The following SEC14L3 variants were observed in gnomAD, a reference collection of about 807,000 sequenced individuals.
SEC14L3 encodes SEC14 like lipid binding 3.
SEC14L3 carries 56 observed loss-of-function variants against 57.4 expected under a neutral mutation model. That is an observed-to-expected ratio of 0.97 (90% CI 0.79 to 1.22). The LOEUF is 1.22. SEC14L3 is among the 50% of genes most tolerant of loss of function. SEC14L3 has a pLI of 0.00. For missense variants in SEC14L3, 485 were observed against 511.7 expected (o/e 0.95, Z 0.50); for synonymous variants, 173 against 194.4 (o/e 0.89, Z 0.92).
Position 30,459,730 on chromosome 22 carries a change from G to A in SEC14L3, c.*291C>T. ...ACACACCTGCCTTAGGGTAGGTGAG[G>A]ACAAAGGCTAGGGGATTCATTTTGC... On this transcript the variant is annotated 3_prime_UTR_variant, in exon 12 of 12. Transcript: ENST00000215812. 1 of 1,095,078 alleles carries A rather than the reference G, an allele frequency of 9.1e-7. No individual in the cohort carries two copies. The highest frequency in any genetic ancestry group is 3.6e-5 in the South Asian group (1 of 27,866). 67.8% of individuals were successfully genotyped at this position (1,095,078 alleles called of 1,614,324 possible).
At chr22:30,449,935 T>C (rs111384803) in intron 12 of SEC14L3, among the ~76,000 whole-genome samples, 6 of 152,068 alleles carry the variant, frequency 3.9e-5, no homozygotes, top group African/African-American at 1.2e-4. Context: ...ATCAGGAGAA[T>C]TGTCTCTCCT....
At position 30,461,316 on chromosome 22, in the gene SEC14L3, C is replaced by T. The variant is rs765287441; in HGVS notation, c.1075G>A (p.Gly359Ser). Residue 359 changes from glycine (G) to serine (S), a missense_variant, in exon 11 of 12, where the codon GGC (glycine) becomes AGC (serine). Gly to Ser is a moderately conservative substitution (Grantham distance 56). Coordinates refer to ENST00000215812, the MANE Select transcript of SEC14L3 (RefSeq NM_174975.5). ...EDGNLTCSEA[G>S]VYVLRFDNTY... ...CCAGCTGGGGCAGACTTACAGACGC[C>T]GGCCTCTGAGCAGGTGAGGTTCCCA... 22 of 1,588,092 alleles carry T rather than the reference C, an allele frequency of 1.4e-5. No homozygotes were observed. The highest frequency in any genetic ancestry group is 8.1e-5 in the South Asian group (7 of 86,480).
At position 30,471,970 on chromosome 22, in the gene SEC14L3, G is replaced by C. The variant is rs1318446831; in HGVS notation, c.-12C>G. The stretch of plus-strand genomic sequence containing the variant: ...ACTCGGCCGCTCATGGTGCTGGCTG[G>C]GGCTTGAGGAGTGGTGGCCACTATA... On this transcript the variant is annotated 5_prime_UTR_variant, in exon 1 of 12. Coordinates refer to ENST00000215812, the MANE Select transcript of SEC14L3 (RefSeq NM_174975.5). 1.3e-6 allele frequency: 2 copies of C among 1,598,838 alleles called. No individual in the cohort carries two copies. Among genetic ancestry groups the C allele is most frequent in the East Asian group, 2.3e-5 (1 of 43,592 alleles).
chr22:30,468,233 C>T (rs2146121026), intron 5 of SEC14L3, among the ~76,000 whole-genome samples: 1 of 151,270 alleles, frequency 6.6e-6, no homozygotes, highest in Middle Eastern at 3.4e-3. Flanking sequence ...GAGCCAAGAT[C>T]ACACCACTGC....
downstream of SEC14L3, among the ~76,000 whole-genome samples, chr22:30,458,217 A>G (rs1210333907): frequency 6.6e-6 from 1 of 152,214 alleles, no homozygotes; most frequent in Non-Finnish European, 1.5e-5. Context: ...CCCGAATCAC[A>G]GCAGAAAGTT....
chr22:30,457,470 C>T (rs1935139512), downstream of SEC14L3, among the ~76,000 whole-genome samples: 1 of 149,316 alleles, frequency 6.7e-6, no homozygotes, highest in Non-Finnish European at 1.5e-5. Context: ...GCAATCTCCA[C>T]CTCCTGGATT....
At chr22:30,468,719 A>T in intron 4 of SEC14L3, 23 bp from the exon 5 acceptor site, 5 of 1,613,970 alleles carry the variant, frequency 3.1e-6, no homozygotes, top group Non-Finnish European at 4.2e-6. Context: ...AGATGCACAG[A>T]ACTTGGCATT....
intron 12 of SEC14L3, among the ~76,000 whole-genome samples, chr22:30,452,673 G>A (rs751575569): frequency 2.6e-5 from 4 of 151,294 alleles, no homozygotes; most frequent in African/African-American, 9.7e-5. Flanking sequence ...TGGAGTTGAC[G>A]AGTTGACTTG....
chr22:30,462,068 G>A lies in SEC14L3; in HGVS notation c.771+18C>T, dbSNP rs1935284846. 2 of 1,612,758 alleles carry A rather than the reference G, an allele frequency of 1.2e-6. No individual in the cohort carries two copies. The highest frequency in any genetic ancestry group is 4.5e-5 in the East Asian group (2 of 44,862). Reference sequence around the variant, plus strand: ...TAATTCTTGAACCTCTCTTGTCCCAGGGAAGGGCTCTTTGTACCTTGGTTA... The same window carrying A: ...TAATTCTTGAACCTCTCTTGTCCCAAGGAAGGGCTCTTTGTACCTTGGTTA... On this transcript the variant is annotated intron_variant, in intron 9 of 11. Coordinates refer to ENST00000215812, the MANE Select transcript of SEC14L3 (RefSeq NM_174975.5).
At chr22:30,455,239 A>T (rs1332494691), downstream of SEC14L3, among the ~76,000 whole-genome samples, 43 of 128,406 alleles carry the variant, frequency 3.3e-4, no homozygotes, top group East Asian at 6.8e-3. Context: ...TATAATATTT[A>T]ATATATTATA....
chr22:30,471,250 A>C, intron 1 of SEC14L3: 1 of 453,904 alleles, frequency 2.2e-6, no homozygotes, highest in Non-Finnish European at 4.4e-6. Flanking sequence ...GCTCCACAGC[A>C]CTCCAGCCTG....
chr22:30,466,507 A>C (rs1935421564), intron 6 of SEC14L3, 113 bp from the exon 7 acceptor site: 2 of 1,423,632 alleles, frequency 1.4e-6, no homozygotes, highest in Non-Finnish European at 1.9e-6. Flanking sequence ...GTTTCCCTTC[A>C]TGCCATCACC....
At chr22:30,462,290 A>G (rs761139473) in intron 8 of SEC14L3, 98 bp from the exon 9 acceptor site, 123 of 1,471,258 alleles carry the variant, frequency 8.4e-5, no homozygotes, top group Non-Finnish European at 1.0e-4. Context: ...GAGAAGCCCT[A>G]TAGGAGGTAG....
chr22:30,464,907 G>T lies in SEC14L3; in HGVS notation c.581-4C>A, dbSNP rs369255097. ...CCCACAGGGAACAGTTTGGTAGCTG[G>T]AGAGATAGAAGTAAGGATAATGGGA... On this transcript the variant is annotated splice_region_variant and splice_polypyrimidine_tract_variant and intron_variant, in intron 7 of 11. Coordinates refer to ENST00000215812, the MANE Select transcript of SEC14L3 (RefSeq NM_174975.5). The T allele has an allele frequency of 3.7e-6, 6 of 1,613,660 alleles. No homozygotes were observed. The highest frequency in any genetic ancestry group is 5.1e-6 in the Non-Finnish European group (6 of 1,179,674).
chr22:30,468,671 C>G lies in SEC14L3; in HGVS notation c.260G>C (p.Gly87Ala). 6.2e-7 allele frequency: 1 copy of G among 1,613,664 alleles called. No homozygotes were observed. Among genetic ancestry groups the G allele is most frequent in the South Asian group, 1.1e-5 (1 of 91,040 alleles). Residue 87 changes from glycine to alanine, a missense_variant, in exon 5 of 12, where the codon GGC becomes GCC. Gly to Ala is a moderately conservative substitution (Grantham distance 60). Transcript: ENST00000215812. ...PEVIQKYMPGGLCGYDRDGCP... is the reference protein window; with the variant it reads ...PEVIQKYMPGALCGYDRDGCP... ...GCCATCACGGTCATAGCCACACAGG[C>G]CCCCAGGCATGTACTTCTGGATCAC... is the stretch of plus-strand genomic sequence containing the variant.
In SEC14L3 at chr22:30,449,891, G is replaced by A. The variant is rs543009502; in HGVS notation, c.905-647C>T. ...CAATCTGTCCCTGTTGTAAATCAGCGCTGTGGTGAGGAAATACTCCTGGAT... is the reference window on the plus strand; with the variant it reads ...CAATCTGTCCCTGTTGTAAATCAGCACTGTGGTGAGGAAATACTCCTGGAT... On this transcript the variant is annotated intron_variant, in intron 12 of 12. Transcript: ENST00000403066. Among the ~76,000 whole-genome samples, 6 of 152,124 alleles carry A rather than the reference G, an allele frequency of 3.9e-5. No homozygotes were observed. The South Asian group carries it at 8.3e-4, about 21-fold the overall frequency.
chr22:30,471,383 C>T (rs564838049), intron 1 of SEC14L3: 1 of 407,032 alleles, frequency 2.5e-6, no homozygotes, highest in Non-Finnish European at 4.8e-6. Context: ...TGTTAGCCCT[C>T]AAAACATCTG....
chr22:30,457,377 C>CT (rs60894978), downstream of SEC14L3, among the ~76,000 whole-genome samples: 387 of 136,588 alleles, frequency 2.8e-3, 2 homozygotes, highest in Non-Finnish European at 4.7e-3. Context: ...TTAAGTATGT[C>CT]TTTTTTTTTT....
chr22:30,456,443 G>T (rs763737677), downstream of SEC14L3, among the ~76,000 whole-genome samples: 2 of 152,132 alleles, frequency 1.3e-5, no homozygotes, highest in Non-Finnish European at 2.9e-5. Context: ...TCAGCTTCTG[G>T]TGAGGGCTTC....
Sources: allele counts gnomAD v4.1 joint callset (sites outside exome capture counted in the v4.1 genomes callset), GRCh38; gene constraint gnomAD v4.1.1; transcripts MANE v1.5; gene names NCBI Gene and HGNC (gene_info 2026-07-23, HGNC 2026-07-21).